STK24: variants seen among roughly 807,000 people sequenced by gnomAD.
STK24 encodes the protein serine/threonine-protein kinase 24.
Under a neutral mutation model 55.6 loss-of-function variants are expected in STK24, and 21 were observed. The observed-to-expected ratio is 0.38, with a 90% CI of 0.27 to 0.54. The LOEUF (loss-of-function observed/expected upper bound fraction) is 0.54, where lower values mean the gene tolerates loss of function less well. Ranked by LOEUF, STK24 falls within the 20% of genes least tolerant of loss-of-function variation. The probability of loss-of-function intolerance (pLI) is 0.79; values close to 1 mark genes in which losing one functional copy is unlikely to be tolerated. For synonymous variants in STK24, 200 were observed against 215.2 expected (o/e 0.93, Z 0.62); for missense variants, 383 against 538.4 (o/e 0.71, Z 2.86).
At chr13:98,511,644 A>G (rs1383797680) in intron 2 of STK24, among the ~76,000 whole-genome samples, 13 of 152,204 alleles carry the variant, frequency 8.5e-5, no homozygotes, top group Non-Finnish European at 1.5e-4. Flanking sequence ...TGAACACGGA[A>G]GGATTCCTCA....
chr13:98,472,424 G>C (rs1316606695), intron 5 of STK24, among the ~76,000 whole-genome samples: 1 of 152,198 alleles, frequency 6.6e-6, no homozygotes, highest in African/African-American at 2.4e-5. Context: ...CTCGAATAAA[G>C]GTTCTCATGT....
intron 1 of STK24, chr13:98,522,111 T>G (rs1896282489): frequency 1.5e-6 from 2 of 1,295,552 alleles, no homozygotes; most frequent in Non-Finnish European, 2.0e-6. Context: ...TCACCAGTGC[T>G]GCAATGTCGT....
intron 1 of STK24, among the ~76,000 whole-genome samples, chr13:98,550,675 G>A (rs1434334040): frequency 6.6e-6 from 1 of 152,200 alleles, no homozygotes; most frequent in Non-Finnish European, 1.5e-5. Context: ...CAGGGACACA[G>A]CATCCTTTTC....
intron 1 of STK24, among the ~76,000 whole-genome samples, chr13:98,541,673 T>C (rs941029785): frequency 2.6e-5 from 4 of 152,206 alleles, no homozygotes; most frequent in Non-Finnish European, 4.4e-5. Context: ...CCCCATCTCT[T>C]CAAAGATAAG....
chr13:98,510,815 T>C (rs2139364828), intron 2 of STK24, among the ~76,000 whole-genome samples: 1 of 152,286 alleles, frequency 6.6e-6, no homozygotes, highest in Non-Finnish European at 1.5e-5. Context: ...GTTCTAAAAT[T>C]GTGGTGATGG....
Position 98,466,409 on chromosome 13 carries a change from A to C in STK24, c.750T>G (p.Phe250Leu), listed in dbSNP as rs777978360. Residue 250 changes from phenylalanine to leucine, a missense_variant, in exon 6 of 11, where the codon TTT becomes TTG. Coordinates refer to ENST00000539966, the MANE Select transcript of STK24 (RefSeq NM_001032296.4). ...GCTCCTTATTCAAACAGGCCTCCAC[A>C]AACTCCTTGAGGGGTTTACTGTAGT... ...EGNYSKPLKE[F>L]VEACLNKEPS... 1 of 1,612,896 alleles carries C rather than the reference A, an allele frequency of 6.2e-7. No individual in the cohort carries two copies. The highest frequency in any genetic ancestry group is 1.7e-5 in the Admixed American group (1 of 60,004).
chr13:98,491,403 G>A (rs757040617), intron 2 of STK24, among the ~76,000 whole-genome samples: 10 of 152,170 alleles, frequency 6.6e-5, no homozygotes, highest in African/African-American at 2.2e-4. Context: ...AGCAAGGAAC[G>A]TTTTCTTGTG....
At chr13:98,494,351 T>C (rs1895163233) in intron 2 of STK24, among the ~76,000 whole-genome samples, 1 of 135,492 alleles carries the variant, frequency 7.4e-6, no homozygotes, top group African/African-American at 2.7e-5. Flanking sequence ...GAGGCAGAGC[T>C]TGCAGTGAGC....
intron 2 of STK24, among the ~76,000 whole-genome samples, chr13:98,515,631 GCTA>G (rs1475270793): frequency 6.6e-6 from 1 of 152,150 alleles, no homozygotes; most frequent in Non-Finnish European, 1.5e-5. Flanking sequence ...CTTCATCACT[GCTA>G]CTGTCAAAAT....
intron 1 of STK24, among the ~76,000 whole-genome samples, chr13:98,528,042 A>G (rs1280160756): frequency 6.6e-6 from 1 of 152,044 alleles, no homozygotes; most frequent in Non-Finnish European, 1.5e-5. Flanking sequence ...GGCCTCCGCA[A>G]AGCTGGAGAG....
intron 9 of STK24, among the ~76,000 whole-genome samples, chr13:98,457,839 G>A (rs1165941291): frequency 6.6e-6 from 1 of 152,182 alleles, no homozygotes; most frequent in African/African-American, 2.4e-5. Flanking sequence ...GCAATCATCA[G>A]ACCATAATCA....
intron 2 of STK24, among the ~76,000 whole-genome samples, chr13:98,505,564 G>C (rs570527691): frequency 6.6e-6 from 1 of 152,344 alleles, no homozygotes; most frequent in African/African-American, 2.4e-5. Context: ...CCCAATTGAA[G>C]CATATAATCG....
At chr13:98,485,086 C>T (rs1594600248) in intron 2 of STK24, among the ~76,000 whole-genome samples, 1 of 152,218 alleles carries the variant, frequency 6.6e-6, no homozygotes, top group Non-Finnish European at 1.5e-5. Flanking sequence ...CTGGGTGGAA[C>T]CTGCTTTTCA....
At chr13:98,553,494 T>C (rs1897207285) in intron 1 of STK24, 2 of 170,582 alleles carry the variant, frequency 1.2e-5, no homozygotes, top group South Asian at 3.8e-4. Context: ...AACGAAAAAG[T>C]AGCTCAAGGA....
intron 1 of STK24, chr13:98,576,186 A>C: frequency 1.0e-6 from 1 of 985,322 alleles, no homozygotes; most frequent in Middle Eastern, 5.2e-4. Context: ...AAGCCACTGC[A>C]AGTGGAACTC....
chr13:98,564,784 A>T (rs577710780), intron 1 of STK24, among the ~76,000 whole-genome samples: 2 of 152,206 alleles, frequency 1.3e-5, no homozygotes, highest in African/African-American at 4.8e-5. Flanking sequence ...ATAAGCCTGT[A>T]ATCTCAGCTA....
intron 1 of STK24, among the ~76,000 whole-genome samples, chr13:98,535,720 T>A (rs546432957): frequency 6.6e-6 from 1 of 152,166 alleles, no homozygotes; most frequent in African/African-American, 2.4e-5. Context: ...TTACACAAGA[T>A]CCCCCACAGC....
intron 3 of STK24, among the ~76,000 whole-genome samples, chr13:98,476,235 G>C (rs1308302951): frequency 8.0e-6 from 1 of 125,690 alleles, no homozygotes; most frequent in Non-Finnish European, 1.7e-5. Context: ...CAAACCAGAC[G>C]GGAAGCCCCC....
chr13:98,537,746 G>A (rs1376619758), intron 1 of STK24, among the ~76,000 whole-genome samples: 1 of 152,150 alleles, frequency 6.6e-6, no homozygotes, highest in Non-Finnish European at 1.5e-5. Flanking sequence ...CAGGGGCTGA[G>A]GGCTCAGCTC....
Sources: allele counts gnomAD v4.1 joint callset (sites outside exome capture counted in the v4.1 genomes callset), GRCh38; gene constraint gnomAD v4.1.1; transcripts MANE v1.5; gene names NCBI Gene and HGNC (gene_info 2026-07-23, HGNC 2026-07-21).